ZHX3: variants seen among roughly 807,000 people sequenced by gnomAD.
ZHX3 encodes zinc fingers and homeoboxes protein 3.
ZHX3 carries 20 observed loss-of-function variants against 64.5 expected under a neutral mutation model. The ratio of observed to expected loss-of-function variants is 0.31; its 90% CI spans 0.22 to 0.45. The LOEUF (loss-of-function observed/expected upper bound fraction) is 0.45, where lower values mean the gene tolerates loss of function less well. Among genes scored for constraint, ZHX3 ranks in the 20% least tolerant of loss-of-function variants. ZHX3 has a pLI of 1.00. For synonymous variants in ZHX3, 423 were observed against 461.6 expected (o/e 0.92, Z 1.07); for missense variants, 1,041 against 1,195.8 (o/e 0.87, Z 1.91).
chr20:41,285,151 C>T (rs2043875567), intron 1 of ZHX3, among the ~76,000 whole-genome samples: 1 of 152,050 alleles, frequency 6.6e-6, no homozygotes. Flanking sequence ...ACATGCTAAA[C>T]TATAATTTCT....
intron 1 of ZHX3, among the ~76,000 whole-genome samples, chr20:41,290,781 C>T (rs977012853): frequency 6.6e-6 from 1 of 152,190 alleles, no homozygotes; most frequent in East Asian, 1.9e-4. Context: ...TTTCTTAAAT[C>T]ATAAAATCTC....
At chr20:41,193,664 TTGTG>T (rs142117067) in intron 3 of ZHX3, among the ~76,000 whole-genome samples, 1 of 151,744 alleles carries the variant, frequency 6.6e-6, no homozygotes, top group Non-Finnish European at 1.5e-5. Flanking sequence ...TTAACTATTT[TTGTG>T]TGTGTGTGGA....
At chr20:41,217,041 A>C (rs1192553783) in intron 2 of ZHX3, among the ~76,000 whole-genome samples, 1 of 152,212 alleles carries the variant, frequency 6.6e-6, no homozygotes, top group Non-Finnish European at 1.5e-5. Context: ...TATTAAGAAA[A>C]TGGGCTATTC....
chr20:41,222,593 G>C (rs549308782), intron 2 of ZHX3, among the ~76,000 whole-genome samples: 2 of 152,190 alleles, frequency 1.3e-5, no homozygotes, highest in Non-Finnish European at 2.9e-5. Context: ...GGGGAGGCTG[G>C]GACCAAATCT....
At chr20:41,243,190 A>G (rs1360401508) in intron 2 of ZHX3, among the ~76,000 whole-genome samples, 1 of 152,214 alleles carries the variant, frequency 6.6e-6, no homozygotes, top group Non-Finnish European at 1.5e-5. Context: ...CTTTGCTTCC[A>G]TGAAATTAGG....
At chr20:41,290,823 G>A (rs932100067) in intron 1 of ZHX3, among the ~76,000 whole-genome samples, 2 of 152,150 alleles carry the variant, frequency 1.3e-5, no homozygotes, top group African/African-American at 4.8e-5. Context: ...ATGATCATGT[G>A]GAAAAGTGGC....
At chr20:41,210,112 G>A (rs1406872777) in intron 2 of ZHX3, among the ~76,000 whole-genome samples, 4 of 152,292 alleles carry the variant, frequency 2.6e-5, no homozygotes, top group African/African-American at 7.2e-5. Context: ...ATCATCACTG[G>A]CCATCAGAGA....
At chr20:41,192,356 T>A (rs1418138112) in intron 3 of ZHX3, among the ~76,000 whole-genome samples, 1 of 152,190 alleles carries the variant, frequency 6.6e-6, no homozygotes, top group Non-Finnish European at 1.5e-5. Context: ...AGGCTCCCTA[T>A]GATGTGTGCA....
chr20:41,233,411 A>T (rs2040758327), intron 2 of ZHX3, among the ~76,000 whole-genome samples: 1 of 152,218 alleles, frequency 6.6e-6, no homozygotes, highest in African/African-American at 2.4e-5. Flanking sequence ...TACAAAAGAC[A>T]TTCAATGAGC....
intron 2 of ZHX3, among the ~76,000 whole-genome samples, chr20:41,252,703 C>T (rs1371229905): frequency 6.6e-6 from 1 of 152,112 alleles, no homozygotes; most frequent in Non-Finnish European, 1.5e-5. Flanking sequence ...CTTCCTCACC[C>T]ATTACTTATA....
intron 2 of ZHX3, among the ~76,000 whole-genome samples, chr20:41,206,375 G>A (rs984368843): frequency 2.1e-4 from 32 of 152,240 alleles, no homozygotes; most frequent in African/African-American, 7.7e-4. Flanking sequence ...GAGGATGCTC[G>A]AAGCCATCAC....
At chr20:41,227,875 T>G (rs1193313235) in intron 2 of ZHX3, among the ~76,000 whole-genome samples, 1 of 152,146 alleles carries the variant, frequency 6.6e-6, no homozygotes, top group Non-Finnish European at 1.5e-5. Context: ...AGACACCACT[T>G]AAATCTCATA....
chr20:41,237,944 G>A (rs1274785863), intron 2 of ZHX3, among the ~76,000 whole-genome samples: 1 of 152,148 alleles, frequency 6.6e-6, no homozygotes, highest in Non-Finnish European at 1.5e-5. Context: ...GGCTTACACA[G>A]TATCTGGTGT....
intron 1 of ZHX3, among the ~76,000 whole-genome samples, chr20:41,300,966 A>G (rs1479499596): frequency 6.6e-6 from 1 of 152,188 alleles, no homozygotes; most frequent in Non-Finnish European, 1.5e-5. Context: ...CAAGGGCTAA[A>G]AGGCCTAGAC....
At chr20:41,245,184 T>C (rs932491842) in intron 2 of ZHX3, among the ~76,000 whole-genome samples, 3 of 152,210 alleles carry the variant, frequency 2.0e-5, no homozygotes, top group Non-Finnish European at 2.9e-5. Flanking sequence ...CACAGCATCA[T>C]GTAATACCTA....
At position 41,179,870 on chromosome 20, in the gene ZHX3, TC is replaced by T. The variant is rs2036183476; in HGVS notation, c.*5320del. ...GTCTCGAACTCCTGACCTCAGGTGA[TC>T]CGCCTCCCTTGGCCTCCCAAAGTGC... is the stretch of plus-strand genomic sequence containing the variant. On this transcript the variant is annotated 3_prime_UTR_variant, in exon 4 of 4. Coordinates refer to ENST00000683867, the MANE Select transcript of ZHX3 (RefSeq NM_001384317.1). The surrounding 1 kb of genome is among the most constrained non-coding windows in gnomAD (Gnocchi z 4.3). 2.0e-5 allele frequency: 3 copies of T among 152,394 alleles called. No homozygotes were observed. Among genetic ancestry groups the T allele is most frequent in the Admixed American group, 1.3e-4 (2 of 15,304 alleles). 9.4% of individuals were successfully genotyped at this position (152,394 alleles called of 1,614,324 possible). A position where few individuals can be genotyped will look rare whatever the true frequency, so the allele number is the denominator to read the frequency against.
At chr20:41,290,071 G>A (rs1600642049) in intron 1 of ZHX3, among the ~76,000 whole-genome samples, 1 of 152,196 alleles carries the variant, frequency 6.6e-6, no homozygotes, top group Non-Finnish European at 1.5e-5. Context: ...TGCTTAGTCT[G>A]TAGTCACTAC....
chr20:41,250,860 G>A (rs2041957504), intron 2 of ZHX3, among the ~76,000 whole-genome samples: 1 of 152,122 alleles, frequency 6.6e-6, no homozygotes, highest in African/African-American at 2.4e-5. Context: ...AAACCATGGA[G>A]GCCTGGCCGG....
At chr20:41,193,714 T>A (rs924644489) in intron 3 of ZHX3, among the ~76,000 whole-genome samples, 538 of 44,282 alleles carry the variant, frequency 0.012, 5 homozygotes, top group African/African-American at 0.12. Context: ...GTTGTTTTTG[T>A]TTTTTTTTTT....
Sources: gnomAD v4.1 joint callset for allele counts (sites outside exome capture counted in the v4.1 genomes callset) on GRCh38, gnomAD v4.1.1 for gene constraint, Gnocchi (gnomAD v3.1) non-coding constraint, MANE v1.5 for transcripts, NCBI Gene and HGNC (gene_info 2026-07-23, HGNC 2026-07-21) for gene names.